The following TTI2 variants were observed in gnomAD, a reference collection of about 807,000 sequenced individuals.
TTI2 encodes TELO2 interacting protein 2.
Under a neutral mutation model 44.9 loss-of-function variants are expected in TTI2, and 26 were observed. The ratio of observed to expected loss-of-function variants is 0.58; its 90% CI spans 0.42 to 0.80. TTI2 has a LOEUF of 0.80. Among genes scored for constraint, TTI2 ranks in the 30% least tolerant of loss-of-function variants. The pLI is 0.00. For missense variants in TTI2, 582 were observed against 611.6 expected, an observed-to-expected ratio of 0.95 and a Z score of 0.51; for synonymous variants, 254 against 250.9, an observed-to-expected ratio of 1.01 and a Z score of -0.12.
At chr8:33,505,706 T>C (rs897498806) in intron 4 of TTI2, among the ~76,000 whole-genome samples, 1 of 151,428 alleles carries the variant, frequency 6.6e-6, no homozygotes, top group Non-Finnish European at 1.5e-5. Context: ...CAGGCTGGAG[T>C]GCAGTGGCGC....
rs188801575 is a variant in TTI2 at position 33,512,656 on chromosome 8, A to C, written c.-43T>G. On this transcript the variant is annotated 5_prime_UTR_variant, in exon 2 of 8. Coordinates refer to ENST00000431156, the MANE Select transcript of TTI2 (RefSeq NM_001102401.4). ...GAAGGCTGGTCTCTCCCACAGAACG[A>C]GGATGGAGGCGGGGAGGGATCCGTT... 9.9e-4 allele frequency: 1,587 copies of C among 1,605,240 alleles called. 3 individuals are homozygous for C. Among genetic ancestry groups the C allele is most frequent in the Non-Finnish European group, 1.3e-3 (1,484 of 1,178,570 alleles).
intron 2 of TTI2, among the ~76,000 whole-genome samples, chr8:33,510,783 A>C (rs1488913501): frequency 6.6e-6 from 1 of 151,966 alleles, no homozygotes; most frequent in Non-Finnish European, 1.5e-5. Flanking sequence ...AAGCCTTTTA[A>C]TTCCGTGTTC....
chr8:33,503,369 C>T (rs929496732), intron 6 of TTI2, 60 bp downstream of exon 6: 3 of 1,611,612 alleles, frequency 1.9e-6, no homozygotes, highest in African/African-American at 2.7e-5. Flanking sequence ...GTATTAAATA[C>T]ATCCAAGCAA....
In TTI2 at chr8:33,512,141, C is replaced by T. The variant is rs1456808789; in HGVS notation, c.473G>A (p.Ser158Asn). 2 of 1,614,032 alleles carry T rather than the reference C, an allele frequency of 1.2e-6. No homozygotes were observed. Among genetic ancestry groups the T allele is most frequent in the East Asian group, 2.2e-5 (1 of 44,880 alleles). The change falls in exon 2 of 8, where the codon AGC becomes AAC. Residue 158 changes from serine to asparagine, a missense_variant. Ser to Asn is a conservative substitution (Grantham distance 46, BLOSUM62 1). Transcript: ENST00000431156. Reference protein sequence around the residue: ...GPVYIFAITHSLEQPWTTPRS... With the variant: ...GPVYIFAITHNLEQPWTTPRS... ...CGGAGTGGTCCATGGTTGCTCCAAG[C>T]TGTGTGTGATGGCAAAAATATAAAC... is the stretch of plus-strand genomic sequence containing the variant.
chr8:33,499,668 A>C, intron 7 of TTI2: 1 of 179,114 alleles, frequency 5.6e-6, no homozygotes, highest in South Asian at 1.1e-4. Flanking sequence ...TAGGATATGA[A>C]TTTTTTTTTC....
At chr8:33,511,906 T>A (rs937067671) in intron 2 of TTI2, 61 bp downstream of exon 2, 1 of 1,543,842 alleles carries the variant, frequency 6.5e-7, no homozygotes, top group African/African-American at 1.4e-5. Context: ...AAATAAATAA[T>A]AAAAAATAAA....
intron 7 of TTI2, 33 bp from the exon 8 acceptor site, chr8:33,499,310 T>A (rs759274518): frequency 1.8e-4 from 265 of 1,477,052 alleles, no homozygotes; most frequent in African/African-American, 5.2e-4. Flanking sequence ...CTTTGATATT[T>A]TTTTTTTTTT....
In TTI2 at chr8:33,507,238, G is replaced by T. The variant is rs1278290694; in HGVS notation, c.918C>A (p.His306Gln). The change falls in exon 4 of 8, where the codon CAC (histidine) becomes CAA (glutamine). Residue 306 changes from histidine to glutamine, a missense_variant. By Grantham distance (24) the His-to-Gln change is conservative. Coordinates refer to ENST00000431156, the MANE Select transcript of TTI2 (RefSeq NM_001102401.4). ...ISNHLYTPEHHLIQAVLLCLL... is the reference protein window; with the variant it reads ...ISNHLYTPEHQLIQAVLLCLL... The stretch of plus-strand genomic sequence containing the variant: ...GAAATCATACTATTACCTGAATGAG[G>T]TGGTGCTCTGGTGTGTACAGGTGGT... 6.2e-7 allele frequency: 1 copy of T among 1,613,832 alleles called. No homozygotes were observed. Among genetic ancestry groups the T allele is most frequent in the Non-Finnish European group, 8.5e-7 (1 of 1,179,814 alleles).
At chr8:33,506,219 A>C (rs1395288642) in intron 4 of TTI2, among the ~76,000 whole-genome samples, 4 of 152,178 alleles carry the variant, frequency 2.6e-5, no homozygotes, top group African/African-American at 9.6e-5. Context: ...AAAAATCCCT[A>C]TCCGTTCATT....
Position 33,507,248 on chromosome 8 carries a change from G to C in TTI2, c.908C>G (p.Pro303Arg), listed in dbSNP as rs573205991. 5 of 1,614,090 alleles carry C rather than the reference G, an allele frequency of 3.1e-6. No individual in the cohort carries two copies. In the East Asian group the frequency reaches 1.1e-4, roughly 36 times the overall value. ...TATTACCTGAATGAGGTGGTGCTCTGGTGTGTACAGGTGGTTGGAAATGGC... is the reference window on the plus strand; with the variant it reads ...TATTACCTGAATGAGGTGGTGCTCTCGTGTGTACAGGTGGTTGGAAATGGC... ...YHAISNHLYT[P>R]EHHLIQAVLL... Residue 303 changes from proline to arginine, a missense_variant, in exon 4 of 8, where the codon CCA (proline) becomes CGA (arginine). Transcript: ENST00000431156.
chr8:33,503,083 C>T (rs1390067461), intron 6 of TTI2, among the ~76,000 whole-genome samples: 14 of 148,930 alleles, frequency 9.4e-5, no homozygotes, highest in Admixed American at 2.0e-4. Context: ...GGGCAGAGAT[C>T]GCGCCACTGG....
At chr8:33,504,409 G>A (rs990916274) in intron 4 of TTI2, among the ~76,000 whole-genome samples, 2 of 144,036 alleles carry the variant, frequency 1.4e-5, no homozygotes, top group African/African-American at 5.2e-5. Context: ...CGATTCTCGT[G>A]CCTCAGCCAC....
Position 33,509,829 on chromosome 8 carries a change from C to T in TTI2, c.751G>A (p.Ala251Thr), listed in dbSNP as rs572916420. The T allele has an allele frequency of 1.9e-5, 30 of 1,614,000 alleles. No individual in the cohort carries two copies. The highest frequency in any genetic ancestry group is 1.7e-4 in the Middle Eastern group (1 of 6,060). ...LSQHLERVLP[A>T]SLVISDDYQT... is the part of the protein sequence containing the mutation. The stretch of plus-strand genomic sequence containing the variant: ...TAGTCATCTGAAATGACCAATGATG[C>T]GGGAAGTACCCTTTCCAGATGCTGG... The change falls in exon 3 of 8, where the codon GCA becomes ACA. Residue 251 changes from alanine to threonine, a missense_variant. Physicochemically the swap from Ala to Thr is moderately conservative, Grantham distance 58. Transcript: ENST00000431156.
chr8:33,509,432 G>A (rs1809432811), intron 3 of TTI2, among the ~76,000 whole-genome samples: 1 of 145,348 alleles, frequency 6.9e-6, no homozygotes, highest in Admixed American at 6.9e-5. Flanking sequence ...CTCTAGCCTG[G>A]GTGATAGAGT....
chr8:33,499,013 C>CT lies in TTI2; in HGVS notation c.*159dup, dbSNP rs1808956288. ...AGGAGTTCAATTTTTTCTTGTTCTA[C>CT]TTTCCCTATTCTTATGGAGGTAAAA... On this transcript the variant is annotated 3_prime_UTR_variant, in exon 8 of 8. Coordinates refer to ENST00000431156, the MANE Select transcript of TTI2 (RefSeq NM_001102401.4). 3.1e-6 allele frequency: 2 copies of CT among 650,678 alleles called. No homozygotes were observed. Among genetic ancestry groups the CT allele is most frequent in the Non-Finnish European group, 5.3e-6 (2 of 378,688 alleles). The allele number at this position is 650,678 out of a possible 1,614,324, so 40.3% of individuals were successfully genotyped here.
chr8:33,508,218 G>A (rs1022911668), intron 3 of TTI2, among the ~76,000 whole-genome samples: 2 of 147,406 alleles, frequency 1.4e-5, no homozygotes, highest in African/African-American at 2.5e-5. Context: ...CCATGTACAC[G>A]TAAAACTAAT....
In TTI2 at chr8:33,500,424, A is replaced by T; in HGVS notation, c.1326T>A (p.Asp442Glu). 1 of 1,614,106 alleles carries T rather than the reference A, an allele frequency of 6.2e-7. No homozygotes were observed. Among genetic ancestry groups the T allele is most frequent in the Non-Finnish European group, 8.5e-7 (1 of 1,180,020 alleles). The change falls in exon 7 of 8, where the codon GAT becomes GAA. Residue 442 changes from aspartate to glutamate, a missense_variant. By Grantham distance (45) the Asp-to-Glu change is conservative. Transcript: ENST00000431156. ...LLKLICDVAR[D>E]PNLTPESVKS... ...TAACAGACTCAGGTGTAAGGTTTGG[A>T]TCCCTTGCTACATCACAAATCAGTT...
chr8:33,512,171 C>A lies in TTI2; in HGVS notation c.443G>T (p.Gly148Val). 6.2e-7 allele frequency: 1 copy of A among 1,614,140 alleles called. No individual in the cohort carries two copies. The highest frequency in any genetic ancestry group is 8.5e-7 in the Non-Finnish European group (1 of 1,180,034). ...AWQTGLHHLA[G>V]PVYIFAITHS... is the part of the protein sequence containing the mutation. ...TGTGATGGCAAAAATATAAACGGGT[C>A]CTGCCAAGTGATGCAGGCCCGTCTG... The change falls in exon 2 of 8, where the codon GGA becomes GTA. Residue 148 changes from glycine to valine, a missense_variant. Physicochemically the swap from Gly to Val is moderately radical, Grantham distance 109 (BLOSUM62 -3). Transcript: ENST00000431156.
At chr8:33,505,248 A>C (rs191675842) in intron 4 of TTI2, among the ~76,000 whole-genome samples, 35 of 152,196 alleles carry the variant, frequency 2.3e-4, no homozygotes, top group African/African-American at 8.2e-4. Flanking sequence ...TAAAATAAAA[A>C]TAAAGGCAGC....
Sources: gnomAD v4.1 joint callset for allele counts (sites outside exome capture counted in the v4.1 genomes callset) on GRCh38, gnomAD v4.1.1 for gene constraint, MANE v1.5 for transcripts, NCBI Gene and HGNC (gene_info 2026-07-23, HGNC 2026-07-21) for gene names.